The following SLC12A5 variants were observed in gnomAD, a reference collection of about 807,000 sequenced individuals.
SLC12A5 encodes solute carrier family 12 member 5, also known as K-Cl cotransporter 2.
Under a neutral mutation model 124.0 loss-of-function variants are expected in SLC12A5, and 18 were observed. That is an observed-to-expected ratio of 0.15 (90% CI 0.10 to 0.22). SLC12A5 has a LOEUF of 0.22. SLC12A5 is among the 10% of genes least tolerant of loss of function. The pLI is 1.00. For missense variants in SLC12A5, 867 were observed against 1,478.7 expected (o/e 0.59, Z 6.78); for synonymous variants, 589 against 568.0 (o/e 1.04, Z -0.53).
At chr20:46,041,933 G>T (rs1325778422) in intron 8 of SLC12A5, among the ~76,000 whole-genome samples, 2 of 152,122 alleles carry the variant, frequency 1.3e-5, no homozygotes, top group Non-Finnish European at 2.9e-5. Flanking sequence ...GCCCGGGGGG[G>T]GAGAGTTCAT....
chr20:46,056,278 C>T lies in SLC12A5; in HGVS notation c.2910+6C>T. 3 of 1,614,008 alleles carry T rather than the reference C, an allele frequency of 1.9e-6. No individual in the cohort carries two copies. Among genetic ancestry groups the T allele is most frequent in the Non-Finnish European group, 1.7e-6 (2 of 1,179,920 alleles). ...AAGAGAAGCCAGAGGAGGAGGTGTG[C>T]AGCTTGGGTGGTTTGGCCCCAACCA... On this transcript the variant is annotated splice_donor_region_variant and intron_variant, in intron 22 of 25. Transcript: ENST00000243964. The surrounding 1 kb of genome is among the most constrained non-coding windows in gnomAD (Gnocchi z 4.3).
Position 46,056,799 on chromosome 20 carries a change from T to C in SLC12A5, c.3111-98T>C. On this transcript the variant is annotated intron_variant, in intron 23 of 25. Transcript: ENST00000243964. This position sits in a 1 kb window ranked among gnomAD's most constrained non-coding sequence, Gnocchi z 4.3. ...GGTGTGGGGGCTGGCAGAGCAGGAC[T>C]CAGGGCAGATGACCATGGCCCAAGC... 3.7e-6 allele frequency: 5 copies of C among 1,356,196 alleles called. No homozygotes were observed. Among genetic ancestry groups the C allele is most frequent in the Non-Finnish European group, 3.2e-6 (3 of 949,822 alleles). 84.0% of individuals were successfully genotyped at this position (1,356,196 alleles called of 1,614,324 possible). A position where few individuals can be genotyped will look rare whatever the true frequency, so the allele number is the denominator to read the frequency against.
At chr20:46,030,356 A>G (rs1451756822) in intron 1 of SLC12A5, among the ~76,000 whole-genome samples, 1 of 152,168 alleles carries the variant, frequency 6.6e-6, no homozygotes, top group Non-Finnish European at 1.5e-5. Flanking sequence ...ACTCGCAAGG[A>G]GCCGAGGGGC....
intron 17 of SLC12A5, among the ~76,000 whole-genome samples, chr20:46,050,667 C>T (rs1031736068): frequency 1.3e-5 from 2 of 152,194 alleles, no homozygotes; most frequent in African/African-American, 2.4e-5. Flanking sequence ...CCATTCAACA[C>T]GCGGTGGCTG....
chr20:46,057,674 C>A lies in SLC12A5; in HGVS notation c.*69C>A. The A allele has an allele frequency of 8.2e-7, 1 of 1,218,126 alleles. No homozygotes were observed. Among genetic ancestry groups the A allele is most frequent in the Non-Finnish European group, 1.1e-6 (1 of 869,984 alleles). The allele number at this position is 1,218,126 out of a possible 1,614,324, so 75.5% of individuals were successfully genotyped here. On this transcript the variant is annotated 3_prime_UTR_variant, in exon 26 of 26. Transcript: ENST00000243964. The surrounding 1 kb of genome is among the most constrained non-coding windows in gnomAD (Gnocchi z 7.1). ...GCTCCGGAGCCCTCGCCGCGCCCCC[C>A]GCCGCTGTCACCGTTTACATACAGA...
intron 17 of SLC12A5, among the ~76,000 whole-genome samples, chr20:46,050,931 C>T (rs1314267625): frequency 2.0e-5 from 3 of 152,320 alleles, no homozygotes; most frequent in Non-Finnish European, 2.9e-5. Context: ...GTGGTTCTCC[C>T]TATTCCTAAA....
At chr20:46,051,528 TG>T in intron 17 of SLC12A5, 146 bp from the exon 18 acceptor site, 1 of 669,376 alleles carries the variant, frequency 1.5e-6, no homozygotes, top group Non-Finnish European at 2.4e-6. Flanking sequence ...TGTGCCATTC[TG>T]GAGCCAGAGA....
intron 14 of SLC12A5, 135 bp downstream of exon 14, chr20:46,046,571 G>A: frequency 1.4e-6 from 1 of 696,236 alleles, no homozygotes; most frequent in Non-Finnish European, 2.4e-6. Flanking sequence ...TCCAGCTTTT[G>A]TTGACCAACT....
rs189281009 is a variant in SLC12A5, at chr20:46,043,532, A to G, written c.1238-101A>G. On this transcript the variant is annotated intron_variant, in intron 9 of 25. Coordinates refer to ENST00000243964, the MANE Select transcript of SLC12A5 (RefSeq NM_020708.5). ...TCACACAAGCCAGTATGTTAGGACT[A>G]GATCCCAGACTCACTGACCCTGAGG... The G allele has an allele frequency of 9.6e-4, 1,259 of 1,304,950 alleles. 8 individuals carry two copies. Among genetic ancestry groups the G allele is most frequent in the Non-Finnish European group, 3.5e-4 (325 of 917,602 alleles). The allele number at this position is 1,304,950 out of a possible 1,614,324, so 80.8% of individuals were successfully genotyped here. A position where few individuals can be genotyped will look rare whatever the true frequency, so the allele number is the denominator to read the frequency against.
chr20:46,039,046 G>A (rs2084521818), intron 6 of SLC12A5, among the ~76,000 whole-genome samples: 1 of 152,166 alleles, frequency 6.6e-6, no homozygotes, highest in Admixed American at 6.5e-5. Flanking sequence ...TGTAAAGAAG[G>A]AAATAAGTCA....
At position 46,046,440 on chromosome 20, in the gene SLC12A5, G is replaced by A; in HGVS notation, c.1787+4G>A. 6.2e-7 allele frequency: 1 copy of A among 1,613,792 alleles called. No homozygotes were observed. The highest frequency in any genetic ancestry group is 1.1e-5 in the South Asian group (1 of 91,056). On this transcript the variant is annotated splice_donor_region_variant and intron_variant, in intron 14 of 25. Transcript: ENST00000243964. ...CACGCTTTCGATATTACCACTGGTGGGTGCTCTGTCCCCACACTTCCACTG... is the reference window on the plus strand; with the variant it reads ...CACGCTTTCGATATTACCACTGGTGAGTGCTCTGTCCCCACACTTCCACTG...
chr20:46,030,965 G>T (rs554616067), intron 1 of SLC12A5, among the ~76,000 whole-genome samples: 3 of 152,138 alleles, frequency 2.0e-5, no homozygotes, highest in Admixed American at 6.5e-5. Context: ...CTGGCCGGAG[G>T]GGGAGGGGGT....
rs1332153467 is a variant in SLC12A5 at position 46,046,403 on chromosome 20, C to T, written c.1754C>T (p.Pro585Leu). The T allele has an allele frequency of 6.2e-7, 1 of 1,614,044 alleles. No individual in the cohort carries two copies. Among genetic ancestry groups the T allele is most frequent in the Non-Finnish European group, 8.5e-7 (1 of 1,180,028 alleles). ...ACAVQTLLRT[P>L]NWRPRFRYYH... ...GCAGTGCAGACGCTGCTGAGGACAC[C>T]CAACTGGAGGCCACGCTTTCGATAT... is the stretch of plus-strand genomic sequence containing the variant. The change falls in exon 14 of 26, where the codon CCC (proline) becomes CTC (leucine). Residue 585 changes from proline (P) to leucine (L), a missense_variant. By Grantham distance (98) the Pro-to-Leu change is moderately conservative (BLOSUM62 -3). Coordinates refer to ENST00000243964, the MANE Select transcript of SLC12A5 (RefSeq NM_020708.5).
rs368240368 is a variant in SLC12A5, at chr20:46,057,960, C to G, written c.*355C>G. The G allele has an allele frequency of 2.0e-5, 4 of 202,140 alleles. No homozygotes were observed. Among genetic ancestry groups the G allele is most frequent in the Admixed American group, 6.0e-5 (1 of 16,554 alleles). 12.5% of individuals were successfully genotyped at this position (202,140 alleles called of 1,614,324 possible). A position where few individuals can be genotyped will look rare whatever the true frequency, so the allele number is the denominator to read the frequency against. ...CCCCAGGTAGTCCATGCGGCCCATT[C>G]CTCCCCTTCCCACTCCCGCCGCGGT... On this transcript the variant is annotated 3_prime_UTR_variant, in exon 26 of 26. Transcript: ENST00000243964. This position sits in a 1 kb window ranked among gnomAD's most constrained non-coding sequence, Gnocchi z 7.1.
intron 2 of SLC12A5, 150 bp from the exon 3 acceptor site, chr20:46,035,254 G>C: frequency 9.2e-7 from 1 of 1,092,592 alleles, no homozygotes; most frequent in Non-Finnish European, 1.3e-6. Flanking sequence ...TCTTACCCCT[G>C]TTCTCCTCAC....
chr20:46,051,549 T>A (rs2084646236), intron 17 of SLC12A5, 126 bp from the exon 18 acceptor site: 1 of 836,498 alleles, frequency 1.2e-6, no homozygotes, highest in African/African-American at 1.8e-5. Context: ...ACTGACGTGA[T>A]CAGAGCTGAG....
chr20:46,053,951 C>A lies in SLC12A5; in HGVS notation c.2679+242C>A, dbSNP rs773440791. Among the ~76,000 whole-genome samples, 1 of 152,200 alleles carries A rather than the reference C, an allele frequency of 6.6e-6. No homozygotes were observed. The highest frequency in any genetic ancestry group is 1.5e-5 in the Non-Finnish European group (1 of 68,036). On this transcript the variant is annotated intron_variant, in intron 20 of 25. Transcript: ENST00000243964. This position sits in a 1 kb window ranked among gnomAD's most constrained non-coding sequence, Gnocchi z 4.7. Reference sequence around the variant, plus strand: ...TTTATATGTACATAAATTCCAACAACGACCAATGAGATAGATACAATTATC... The same window carrying A: ...TTTATATGTACATAAATTCCAACAAAGACCAATGAGATAGATACAATTATC...
chr20:46,047,442 C>A lies in SLC12A5; in HGVS notation c.1788-12C>A, dbSNP rs770102008. ...CTGGGGCTCAGAGGCTGGGTCTCCC[C>A]ACCTTGTCTAGGACCCTCTCCTTCC... is the stretch of plus-strand genomic sequence containing the variant. On this transcript the variant is annotated splice_polypyrimidine_tract_variant and intron_variant, in intron 14 of 25. Coordinates refer to ENST00000243964, the MANE Select transcript of SLC12A5 (RefSeq NM_020708.5). The A allele has an allele frequency of 2.5e-5, 41 of 1,612,684 alleles. No individual in the cohort carries two copies. The highest frequency in any genetic ancestry group is 4.0e-5 in the African/African-American group (3 of 74,922).
intron 14 of SLC12A5, 109 bp from the exon 15 acceptor site, chr20:46,047,345 C>T: frequency 6.8e-7 from 1 of 1,467,802 alleles, no homozygotes; most frequent in South Asian, 1.3e-5. Context: ...GGGCTGTCAC[C>T]TCCCAGGTCT....
Sources: gnomAD v4.1 joint callset for allele counts (sites outside exome capture counted in the v4.1 genomes callset) on GRCh38, gnomAD v4.1.1 for gene constraint, Gnocchi (gnomAD v3.1) non-coding constraint, MANE v1.5 for transcripts, NCBI Gene and HGNC (gene_info 2026-07-23, HGNC 2026-07-21) for gene names.